The following SLC38A8 variants were observed in gnomAD, a reference collection of about 807,000 sequenced individuals.
The protein encoded by SLC38A8 is solute carrier family 38 member 8.
A neutral mutation model predicts 46.0 loss-of-function variants in SLC38A8; 65 were observed. The observed-to-expected ratio is 1.41, with a 90% CI of 1.16 to 1.74. The LOEUF is 1.74. SLC38A8 is among the 40% of genes most tolerant of loss of function. SLC38A8 has a pLI of 0.00. For missense variants in SLC38A8, 998 were observed against 567.9 expected, an observed-to-expected ratio of 1.76 and a Z score of -7.70; for synonymous variants, 447 against 243.7, an observed-to-expected ratio of 1.83 and a Z score of -7.77.
intron 6 of SLC38A8, among the ~76,000 whole-genome samples, chr16:84,026,942 T>A (rs969937649): frequency 6.6e-6 from 1 of 152,184 alleles, no homozygotes. Context: ...AGGTTCTCAA[T>A]TGACTGTGGT....
At chr16:84,028,524 T>C (rs1170477696) in intron 6 of SLC38A8, among the ~76,000 whole-genome samples, 3 of 146,248 alleles carry the variant, frequency 2.1e-5, no homozygotes, top group Non-Finnish European at 3.0e-5. Flanking sequence ...TGAGATCCAC[T>C]ACACTCCAGC....
intron 5 of SLC38A8, among the ~76,000 whole-genome samples, chr16:84,031,581 T>G (rs2085238589): frequency 6.9e-6 from 1 of 145,614 alleles, no homozygotes; most frequent in Non-Finnish European, 1.5e-5. Flanking sequence ...ACCTCCACAC[T>G]GTGGGGACAA....
At chr16:84,027,360 AAAACAAAC>A (rs199701593) in intron 6 of SLC38A8, among the ~76,000 whole-genome samples, 42 of 150,466 alleles carry the variant, frequency 2.8e-4, no homozygotes, top group East Asian at 7.9e-4. Flanking sequence ...AAGCAAAATT[AAAACAAAC>A]AAACAAACAA....
rs2085304190 is a variant in SLC38A8, at chr16:84,036,766, G to A, written c.324C>T (p.Phe108=). 2 of 1,614,224 alleles carry A rather than the reference G, an allele frequency of 1.2e-6. No individual in the cohort carries two copies. The highest frequency in any genetic ancestry group is 1.3e-5 in the African/African-American group (1 of 75,070). ...CGGAGATCATGAGCAGGTTGAGGAG[G>A]AAGCAGGCCTCACACAGCTTCCCAA... is the stretch of plus-strand genomic sequence containing the variant. The part of the protein sequence containing the change: ...PAIGKLCEAC[F]LLNLLMISVA... The change falls in exon 3 of 11, where the codon TTC becomes TTT. Residue 108 remains phenylalanine (F), a synonymous_variant. Coordinates refer to ENST00000299709, the MANE Select transcript of SLC38A8 (RefSeq NM_001080442.3).
chr16:84,019,462 A>G (rs1444103323), intron 7 of SLC38A8, among the ~76,000 whole-genome samples: 6 of 152,224 alleles, frequency 3.9e-5, no homozygotes, highest in African/African-American at 1.2e-4. Context: ...CAAATGGATT[A>G]ATCTGTTTAT....
intron 3 of SLC38A8, among the ~76,000 whole-genome samples, chr16:84,035,347 T>C (rs2085289262): frequency 6.6e-6 from 1 of 152,162 alleles, no homozygotes; most frequent in Non-Finnish European, 1.5e-5. Flanking sequence ...GCCTTCAATC[T>C]CAATACCCCC....
At position 84,041,963 on chromosome 16, in the gene SLC38A8, A is replaced by T. The variant is rs1292746705; in HGVS notation, c.189+6T>A. 6.3e-7 allele frequency: 1 copy of T among 1,579,744 alleles called. No homozygotes were observed. Among genetic ancestry groups the T allele is most frequent in the Non-Finnish European group, 8.6e-7 (1 of 1,161,336 alleles). The stretch of plus-strand genomic sequence containing the variant: ...CGTCCCCAGGACTCACTTCCCGGGG[A>T]CTTACCAGCTCCACCAGGAAGGCAG... On this transcript the variant is annotated splice_donor_region_variant and intron_variant, in intron 2 of 10. Transcript: ENST00000299709.
In SLC38A8 at chr16:84,029,014, C is replaced by T. The variant is rs572299631; in HGVS notation, c.690+480G>A. ...CCCCTTTCCCCTCTCCAATCAGCTCCCTGTACACCTTCCAGCTCCTCTACC... is the reference window on the plus strand; with the variant it reads ...CCCCTTTCCCCTCTCCAATCAGCTCTCTGTACACCTTCCAGCTCCTCTACC... On this transcript the variant is annotated intron_variant, in intron 6 of 10. Coordinates refer to ENST00000299709, the MANE Select transcript of SLC38A8 (RefSeq NM_001080442.3). Among the ~76,000 whole-genome samples, 6 of 152,282 alleles carry T rather than the reference C, an allele frequency of 3.9e-5. No individual in the cohort carries two copies. The East Asian group carries it at 7.7e-4, about 20-fold the overall frequency.
chr16:84,034,107 T>C (rs762343203), intron 3 of SLC38A8, among the ~76,000 whole-genome samples: 2 of 152,214 alleles, frequency 1.3e-5, no homozygotes, highest in Non-Finnish European at 2.9e-5. Context: ...TACTGCCTGA[T>C]GGGTACACCT....
chr16:84,041,139 G>C (rs959607822), intron 2 of SLC38A8: 2 of 152,264 alleles, frequency 1.3e-5, no homozygotes, highest in African/African-American at 4.8e-5. Context: ...CTCATCAGTG[G>C]CTCTCCCGCA....
intron 9 of SLC38A8, among the ~76,000 whole-genome samples, chr16:84,015,376 G>T (rs112609508): frequency 1.3e-5 from 2 of 152,042 alleles, no homozygotes; most frequent in Admixed American, 1.3e-4. Flanking sequence ...ACCATCCTTC[G>T]CAGAAACGGT....
intron 6 of SLC38A8, among the ~76,000 whole-genome samples, chr16:84,027,591 C>G (rs1436542126): frequency 6.6e-6 from 1 of 152,172 alleles, no homozygotes; most frequent in Non-Finnish European, 1.5e-5. Context: ...CCCTCTCCAG[C>G]CTTACCCCCT....
At chr16:84,027,296 G>A (rs1193459042) in intron 6 of SLC38A8, among the ~76,000 whole-genome samples, 1 of 152,176 alleles carries the variant, frequency 6.6e-6, no homozygotes, top group East Asian at 1.9e-4. Flanking sequence ...GCTGCAGTGA[G>A]CCAAGATCAC....
intron 6 of SLC38A8, among the ~76,000 whole-genome samples, chr16:84,028,849 CTG>C (rs2085200649): frequency 6.6e-6 from 1 of 152,170 alleles, no homozygotes. Context: ...CACCTGGCTG[CTG>C]CCCATACATC....
intron 7 of SLC38A8, among the ~76,000 whole-genome samples, chr16:84,017,751 C>A (rs2151115027): frequency 6.6e-6 from 1 of 152,322 alleles, no homozygotes; most frequent in East Asian, 1.9e-4. Context: ...ACAAGAGCGC[C>A]ATTCCCTTTG....
chr16:84,042,304 A>G, intron 1 of SLC38A8, 145 bp from the exon 2 acceptor site: 1 of 836,542 alleles, frequency 1.2e-6, no homozygotes, highest in Non-Finnish European at 1.8e-6. Context: ...CCCCCTTTCC[A>G]AAGGGTGCTG....
At chr16:84,023,802 G>T (rs982810529) in intron 6 of SLC38A8, among the ~76,000 whole-genome samples, 1 of 152,224 alleles carries the variant, frequency 6.6e-6, no homozygotes, top group Non-Finnish European at 1.5e-5. Context: ...GCTGAGGCAG[G>T]TGAATCACTG....
chr16:84,032,500 T>C (rs2085253262), intron 4 of SLC38A8, among the ~76,000 whole-genome samples: 1 of 152,214 alleles, frequency 6.6e-6, no homozygotes. Flanking sequence ...GAATTCTTAA[T>C]GGCACCCGGC....
chr16:84,028,255 G>C (rs2085189852), intron 6 of SLC38A8, among the ~76,000 whole-genome samples: 1 of 152,064 alleles, frequency 6.6e-6, no homozygotes, highest in Admixed American at 6.6e-5. Context: ...ATAGGTGGTT[G>C]TTTTTAGGAC....
Sources: allele counts gnomAD v4.1 joint callset (sites outside exome capture counted in the v4.1 genomes callset), GRCh38; gene constraint gnomAD v4.1.1; transcripts MANE v1.5; gene names NCBI Gene and HGNC (gene_info 2026-07-23, HGNC 2026-07-21).